Variants in BLTP1 observed in about 807,000 individuals in gnomAD.
The protein encoded by BLTP1 is fragile site-associated protein.
chr4:122,239,467 A>T, the BLTP1 span: 2 of 1,394,318 alleles, frequency 1.4e-6, no homozygotes, highest in Non-Finnish European at 9.7e-7. Context: ...TTTTATGCTT[A>T]AATTTTATGA....
At chr4:122,264,700 A>G in the BLTP1 span, among the ~76,000 whole-genome samples, 3 of 152,236 alleles carry the variant, frequency 2.0e-5, no homozygotes, top group African/African-American at 7.2e-5. Flanking sequence ...ACATGAATAG[A>G]TAATCATACC....
the BLTP1 span, chr4:122,259,783 T>C: frequency 1.1e-5 from 2 of 180,084 alleles, no homozygotes; most frequent in Admixed American, 1.3e-4. Flanking sequence ...TGCTTGAACC[T>C]GGGAGGTGGA....
the BLTP1 span, chr4:122,305,482 C>G: frequency 1.0e-6 from 1 of 976,252 alleles, no homozygotes; most frequent in Admixed American, 6.2e-5. Context: ...AATCTTTTTT[C>G]CTCTTTGAAG....
chr4:122,352,385 GT>G, the BLTP1 span, among the ~76,000 whole-genome samples: 1 of 140,324 alleles, frequency 7.1e-6, no homozygotes, highest in Admixed American at 7.2e-5. Flanking sequence ...TTTGAGACAG[GT>G]TCTCACTCTG....
At chr4:122,194,259 C>T in the BLTP1 span, among the ~76,000 whole-genome samples, 3 of 152,168 alleles carry the variant, frequency 2.0e-5, no homozygotes, top group Non-Finnish European at 4.4e-5. Flanking sequence ...ATACCTGCCT[C>T]ATTAAGTAGC....
At chr4:122,290,151 T>G in the BLTP1 span, among the ~76,000 whole-genome samples, 1 of 152,156 alleles carries the variant, frequency 6.6e-6, no homozygotes, top group Non-Finnish European at 1.5e-5. Context: ...CTGGTTCTGG[T>G]TGTATCTGAG....
chr4:122,233,906 T>C, the BLTP1 span, among the ~76,000 whole-genome samples: 1 of 152,206 alleles, frequency 6.6e-6, no homozygotes, highest in Non-Finnish European at 1.5e-5. Context: ...ACTAGGCACT[T>C]AATAGATATG....
chr4:122,289,880 A>G, the BLTP1 span: 1 of 728,292 alleles, frequency 1.4e-6, no homozygotes, highest in Non-Finnish European at 1.7e-6. Flanking sequence ...TCTGCGAATG[A>G]CAAGAACAGG....
chr4:122,275,902 C>G, the BLTP1 span: 1 of 1,407,858 alleles, frequency 7.1e-7, no homozygotes, highest in East Asian at 2.7e-5. Flanking sequence ...CATATTGTAA[C>G]TAATTTGTGC....
chr4:122,205,570 C>G, the BLTP1 span, among the ~76,000 whole-genome samples: 1 of 144,238 alleles, frequency 6.9e-6, no homozygotes, highest in Middle Eastern at 3.4e-3. Flanking sequence ...CCAATTGTTT[C>G]CCTCTCTCTC....
At chr4:122,210,057 G>A in the BLTP1 span, 4 of 1,346,458 alleles carry the variant, frequency 3.0e-6, 1 homozygote, top group South Asian at 6.7e-5. Flanking sequence ...ACATATTTTA[G>A]ATTAATTGTA....
the BLTP1 span, chr4:122,180,073 C>CACAT: frequency 5.1e-6 from 5 of 983,110 alleles, no homozygotes; most frequent in African/African-American, 8.9e-5. Context: ...CACACACACA[C>CACAT]GGCTTCTTTA....
At chr4:122,244,358 G>A in the BLTP1 span, among the ~76,000 whole-genome samples, 3 of 151,898 alleles carry the variant, frequency 2.0e-5, no homozygotes, top group South Asian at 2.1e-4. Context: ...TGTGGAACCC[G>A]CGGATCAAAA....
At chr4:122,239,375 A>G in the BLTP1 span, 3 of 782,180 alleles carry the variant, frequency 3.8e-6, no homozygotes, top group Non-Finnish European at 5.8e-6. Context: ...TACTTTGGGT[A>G]TTTTATTATA....
the BLTP1 span, chr4:122,298,560 C>T: frequency 1.8e-6 from 1 of 549,150 alleles, no homozygotes; most frequent in South Asian, 8.1e-5. Context: ...TCCATAGTTA[C>T]TTATTCAGAA....
At chr4:122,229,330 G>A in the BLTP1 span, 1 of 1,054,236 alleles carries the variant, frequency 9.5e-7, no homozygotes, top group African/African-American at 1.7e-5. Flanking sequence ...TTTATAGTTT[G>A]TCATCTCACA....
the BLTP1 span, chr4:122,286,843 A>G: frequency 2.9e-6 from 4 of 1,398,192 alleles, no homozygotes; most frequent in Non-Finnish European, 3.0e-6. Context: ...CAAGATTTAT[A>G]TGTACCAAAA....
chr4:122,328,604 C>G, the BLTP1 span: 1 of 963,572 alleles, frequency 1.0e-6, no homozygotes, highest in Non-Finnish European at 1.2e-6. Context: ...GTTTAATTAT[C>G]TAAAATAAAA....
At chr4:122,268,157 TCTTA>T in the BLTP1 span, among the ~76,000 whole-genome samples, 2 of 152,158 alleles carry the variant, frequency 1.3e-5, no homozygotes, top group South Asian at 2.1e-4. Flanking sequence ...TTAAAAATGT[TCTTA>T]CTATTTATTA....
Sources: allele counts gnomAD v4.1 joint callset (sites outside exome capture counted in the v4.1 genomes callset), GRCh38; gene constraint gnomAD v4.1.1; transcripts MANE v1.5; gene names NCBI Gene and HGNC (gene_info 2026-07-23, HGNC 2026-07-21).